The following PDZRN4 variants were observed in gnomAD, a reference collection of about 807,000 sequenced individuals.
PDZRN4 encodes the protein PDZ domain-containing RING finger protein 4.
A neutral mutation model predicts 99.0 loss-of-function variants in PDZRN4; 70 were observed. That is an observed-to-expected ratio of 0.71 (90% confidence interval 0.58 to 0.86). PDZRN4 has a LOEUF of 0.86. Ranked by LOEUF, PDZRN4 falls within the 40% of genes least tolerant of loss-of-function variation. PDZRN4 has a pLI of 0.00. For synonymous variants in PDZRN4, 551 were observed against 501.6 expected (o/e 1.10, Z -1.32); for missense variants, 1,474 against 1,331.2 (o/e 1.11, Z -1.67).
rs550291918 is a variant in PDZRN4 at position 41,262,378 on chromosome 12, G to C, written c.843+68190G>C. Among the ~76,000 whole-genome samples, 3 of 152,310 alleles carry C rather than the reference G, an allele frequency of 2.0e-5. No homozygotes were observed. In the East Asian group the frequency reaches 5.8e-4, roughly 29 times the overall value. ...TGGTTCTGTTTAAGAAGCTTCTGTT[G>C]AGTGTCTTCATAAAATGGAATGCCC... On this transcript the variant is annotated intron_variant, in intron 3 of 9. Coordinates refer to ENST00000402685, the MANE Select transcript of PDZRN4 (RefSeq NM_001164595.2).
chr12:41,543,328 A>AGT (rs1161578587), intron 5 of PDZRN4, among the ~76,000 whole-genome samples: 28 of 152,038 alleles, frequency 1.8e-4, no homozygotes, highest in Middle Eastern at 6.8e-3. Flanking sequence ...AGAATTAAAA[A>AGT]GTGTGTGTGT....
intron 5 of PDZRN4, among the ~76,000 whole-genome samples, chr12:41,530,717 G>A (rs1333747411): frequency 6.6e-6 from 1 of 152,178 alleles, no homozygotes; most frequent in Non-Finnish European, 1.5e-5. Flanking sequence ...ATGTGGAGGT[G>A]CTCCCAGAGC....
intron 3 of PDZRN4, among the ~76,000 whole-genome samples, chr12:41,413,268 G>C (rs1051219020): frequency 3.3e-5 from 5 of 152,102 alleles, no homozygotes; most frequent in Non-Finnish European, 2.9e-5. Context: ...GCCAGGAATA[G>C]AAAGTTAAAA....
At chr12:41,496,254 C>T (rs11180958) in intron 3 of PDZRN4, among the ~76,000 whole-genome samples, 9 of 152,058 alleles carry the variant, frequency 5.9e-5, no homozygotes, top group East Asian at 1.9e-4. Context: ...AGGAATGTAA[C>T]GTGTATCCCC....
chr12:41,278,092 AAG>A (rs1951361237), intron 3 of PDZRN4, among the ~76,000 whole-genome samples: 2 of 152,200 alleles, frequency 1.3e-5, no homozygotes, highest in Non-Finnish European at 2.9e-5. Context: ...CATGGACACT[AAG>A]ATGATCCTTT....
Position 41,553,864 on chromosome 12 carries a change from T to C in PDZRN4, c.1302+1110T>C, listed in dbSNP as rs375561875. ...CTGTTCTGAGTTTTCTTGGCCATAA[T>C]CTTGAAAACGTTACCTAAATATACT... On this transcript the variant is annotated intron_variant, in intron 6 of 9. Coordinates refer to ENST00000402685, the MANE Select transcript of PDZRN4 (RefSeq NM_001164595.2). 1.6e-4 allele frequency among the ~76,000 whole-genome samples: 13 copies of C among 83,522 alleles called. 1 individual carries two copies. The East Asian group carries it at 3.1e-3, about 20-fold the overall frequency. 54.8% of individuals were successfully genotyped at this position (83,522 alleles called of 152,430 possible).
At position 41,288,245 on chromosome 12, in the gene PDZRN4, T is replaced by C. The variant is rs562461230; in HGVS notation, c.843+94057T>C. Among the ~76,000 whole-genome samples the C allele has an allele frequency of 3.9e-5, 6 of 152,268 alleles. No homozygotes were observed. In the East Asian group the frequency reaches 1.2e-3, roughly 29 times the overall value. On this transcript the variant is annotated intron_variant, in intron 3 of 9. Coordinates refer to ENST00000402685, the MANE Select transcript of PDZRN4 (RefSeq NM_001164595.2). ...GGGAGAGTTGTAAAGCAGAATGCATTAGTTCAGCCCTGTGATAATAAATCA... is the reference window on the plus strand; with the variant it reads ...GGGAGAGTTGTAAAGCAGAATGCATCAGTTCAGCCCTGTGATAATAAATCA...
At chr12:41,209,666 G>A (rs1950875423) in intron 3 of PDZRN4, among the ~76,000 whole-genome samples, 1 of 150,996 alleles carries the variant, frequency 6.6e-6, no homozygotes, top group African/African-American at 2.4e-5. Context: ...TCCCTACAAA[G>A]GACATGAACT....
At chr12:41,548,868 G>A (rs1016372159) in intron 5 of PDZRN4, among the ~76,000 whole-genome samples, 1 of 152,100 alleles carries the variant, frequency 6.6e-6, no homozygotes, top group African/African-American at 2.4e-5. Context: ...TCTATGATTA[G>A]AAAGATGTTT....
chr12:41,290,505 A>AT (rs1951450948), intron 3 of PDZRN4, among the ~76,000 whole-genome samples: 1 of 152,170 alleles, frequency 6.6e-6, no homozygotes, highest in Non-Finnish European at 1.5e-5. Context: ...TGTGAAAAAA[A>AT]ATCACCCTTC....
chr12:41,232,915 T>C (rs187589575), intron 3 of PDZRN4, among the ~76,000 whole-genome samples: 1 of 152,310 alleles, frequency 6.6e-6, no homozygotes, highest in African/African-American at 2.4e-5. Context: ...ACACCATTTA[T>C]TAAATAGGCA....
intron 7 of PDZRN4, among the ~76,000 whole-genome samples, chr12:41,561,384 C>G (rs545815818): frequency 3.3e-5 from 5 of 151,686 alleles, no homozygotes; most frequent in African/African-American, 1.2e-4. Context: ...ATTCTATGTA[C>G]CAGGCACTAT....
chr12:41,550,484 G>A (rs1227363598), intron 5 of PDZRN4, among the ~76,000 whole-genome samples: 1 of 152,060 alleles, frequency 6.6e-6, no homozygotes, highest in Non-Finnish European at 1.5e-5. Context: ...CTTTCCCTCT[G>A]GAGGCATTAA....
intron 5 of PDZRN4, among the ~76,000 whole-genome samples, chr12:41,533,003 A>G (rs1938686508): frequency 1.3e-5 from 2 of 152,190 alleles, no homozygotes; most frequent in Non-Finnish European, 2.9e-5. Context: ...TGTTCAAATC[A>G]TCTACATGCT....
At chr12:41,536,891 A>G (rs894388601) in intron 5 of PDZRN4, among the ~76,000 whole-genome samples, 8 of 152,150 alleles carry the variant, frequency 5.3e-5, no homozygotes, top group Non-Finnish European at 7.4e-5. Context: ...AAGCATCATT[A>G]GCTGTTTTTA....
At chr12:41,453,051 C>T (rs1382233871) in intron 3 of PDZRN4, among the ~76,000 whole-genome samples, 1 of 152,134 alleles carries the variant, frequency 6.6e-6, no homozygotes, top group Non-Finnish European at 1.5e-5. Flanking sequence ...AGCTCTGAAA[C>T]TGGAATGGCC....
rs11180973 is a variant in PDZRN4, at chr12:41,520,290, T to C, written c.1203+10377T>C. On this transcript the variant is annotated intron_variant, in intron 5 of 9. Transcript: ENST00000402685. ...CTCTTCCATTTGCCTTATGTGCCATTATTGTTTTTTCTTACTTTGGGTTCC... is the reference window on the plus strand; with the variant it reads ...CTCTTCCATTTGCCTTATGTGCCATCATTGTTTTTTCTTACTTTGGGTTCC... Among the ~76,000 whole-genome samples the C allele has an allele frequency of 7.6e-3, 1,155 of 152,202 alleles. 52 individuals carry two copies. In the East Asian group the frequency reaches 0.14, roughly 18 times the overall value.
intron 5 of PDZRN4, among the ~76,000 whole-genome samples, chr12:41,532,171 T>C (rs1371717147): frequency 1.3e-5 from 2 of 152,206 alleles, no homozygotes; most frequent in African/African-American, 2.4e-5. Flanking sequence ...GTACTACTAA[T>C]TGAAAGTCCA....
intron 5 of PDZRN4, among the ~76,000 whole-genome samples, chr12:41,512,825 C>T (rs916453364): frequency 1.3e-5 from 2 of 151,992 alleles, no homozygotes; most frequent in Non-Finnish European, 2.9e-5. Flanking sequence ...TGCCTCAGAG[C>T]TTCAATATAG....
Sources: gnomAD v4.1 joint callset for allele counts (sites outside exome capture counted in the v4.1 genomes callset) on GRCh38, gnomAD v4.1.1 for gene constraint, MANE v1.5 for transcripts, NCBI Gene and HGNC (gene_info 2026-07-23, HGNC 2026-07-21) for gene names.